The following SGCZ variants were observed in gnomAD, a reference collection of about 807,000 sequenced individuals.
SGCZ encodes the protein sarcoglycan zeta.
Under a neutral mutation model 41.3 loss-of-function variants are expected in SGCZ, and 40 were observed. The ratio of observed to expected loss-of-function variants is 0.97; its 90% CI spans 0.75 to 1.26. The LOEUF (loss-of-function observed/expected upper bound fraction) is 1.26. Ranked by LOEUF, SGCZ falls within the 50% of genes most tolerant of loss-of-function variation. The pLI is 0.00. For synonymous variants in SGCZ, 206 were observed against 137.5 expected (o/e 1.50, Z -3.49); for missense variants, 552 against 369.8 (o/e 1.49, Z -4.04).
intron 1 of SGCZ, among the ~76,000 whole-genome samples, chr8:15,227,713 C>G (rs1376385426): frequency 1.3e-5 from 2 of 152,126 alleles, no homozygotes; most frequent in African/African-American, 4.8e-5. Context: ...AATGAGATTT[C>G]AATTGTTTGG....
chr8:15,089,336 T>C (rs187760245), intron 1 of SGCZ, among the ~76,000 whole-genome samples: 3 of 152,268 alleles, frequency 2.0e-5, no homozygotes, highest in Admixed American at 2.0e-4. Flanking sequence ...GTAATGATAA[T>C]TTCAAGATTT....
intron 1 of SGCZ, among the ~76,000 whole-genome samples, chr8:14,621,099 C>T (rs1039870973): frequency 2.6e-5 from 4 of 152,140 alleles, no homozygotes; most frequent in African/African-American, 9.6e-5. Context: ...CCATGGAATA[C>T]TATGCAGCCA....
intron 2 of SGCZ, among the ~76,000 whole-genome samples, chr8:14,352,610 C>T (rs547584920): frequency 3.3e-5 from 5 of 152,206 alleles, no homozygotes; most frequent in South Asian, 4.1e-4. Flanking sequence ...AGTAGACCTA[C>T]GTGTCCTCTG....
intron 2 of SGCZ, among the ~76,000 whole-genome samples, chr8:14,415,546 T>C (rs1799471071): frequency 6.6e-6 from 1 of 151,956 alleles, no homozygotes; most frequent in South Asian, 2.1e-4. Context: ...ATGGAAATCA[T>C]ATTGTTCTAC....
At chr8:14,440,663 G>A (rs925934227) in intron 2 of SGCZ, among the ~76,000 whole-genome samples, 5 of 149,452 alleles carry the variant, frequency 3.3e-5, no homozygotes, top group African/African-American at 7.3e-5. Context: ...GTATATATGT[G>A]TCTGTATGTA....
At chr8:14,493,781 G>A (rs1222225164) in intron 2 of SGCZ, among the ~76,000 whole-genome samples, 1 of 152,056 alleles carries the variant, frequency 6.6e-6, no homozygotes, top group African/African-American at 2.4e-5. Context: ...TTTCATAAGA[G>A]TGGCTTTCAT....
chr8:14,141,432 A>G (rs1203153124), intron 5 of SGCZ, among the ~76,000 whole-genome samples: 1 of 152,220 alleles, frequency 6.6e-6, no homozygotes, highest in Non-Finnish European at 1.5e-5. Context: ...ACAAAGGACT[A>G]CTATCCAGAA....
chr8:14,966,764 G>C (rs1165319386), intron 1 of SGCZ, among the ~76,000 whole-genome samples: 1 of 151,966 alleles, frequency 6.6e-6, no homozygotes, highest in Non-Finnish European at 1.5e-5. Context: ...AAATAGTATA[G>C]AAAAGATGTG....
intron 4 of SGCZ, among the ~76,000 whole-genome samples, chr8:14,187,476 G>C (rs1240779853): frequency 6.6e-6 from 1 of 152,010 alleles, no homozygotes; most frequent in Non-Finnish European, 1.5e-5. Context: ...TTAAATGCAG[G>C]TGTGATGAAA....
intron 3 of SGCZ, among the ~76,000 whole-genome samples, chr8:14,243,570 G>A (rs1798968158): frequency 6.6e-6 from 1 of 152,152 alleles, no homozygotes; most frequent in Admixed American, 6.5e-5. Flanking sequence ...TCTTCACAAT[G>A]TGACCCAATT....
intron 1 of SGCZ, among the ~76,000 whole-genome samples, chr8:14,836,012 A>T (rs1255661653): frequency 6.6e-6 from 1 of 152,188 alleles, no homozygotes; most frequent in African/African-American, 2.4e-5. Context: ...AAAGCAGCTG[A>T]AACCATTACT....
At chr8:14,592,086 G>C (rs549622484) in intron 1 of SGCZ, among the ~76,000 whole-genome samples, 11 of 152,142 alleles carry the variant, frequency 7.2e-5, no homozygotes, top group Non-Finnish European at 1.2e-4. Context: ...CTTGAAAAAT[G>C]TCAATGCCAG....
chr8:15,227,442 T>C (rs1193428721), intron 1 of SGCZ, among the ~76,000 whole-genome samples: 30 of 152,204 alleles, frequency 2.0e-4, no homozygotes, highest in Admixed American at 2.0e-3. Context: ...CACCAACTAA[T>C]ACCACAATGA....
At chr8:14,511,795 C>T (rs1310467022) in intron 2 of SGCZ, among the ~76,000 whole-genome samples, 1 of 152,066 alleles carries the variant, frequency 6.6e-6, no homozygotes, top group Non-Finnish European at 1.5e-5. Context: ...CCCACCAACT[C>T]TTCTGGAATT....
intron 4 of SGCZ, among the ~76,000 whole-genome samples, chr8:14,180,439 T>C (rs968742329): frequency 6.6e-6 from 1 of 152,002 alleles, no homozygotes; most frequent in African/African-American, 2.4e-5. Flanking sequence ...CTAATAACTC[T>C]AGGGCCTGGT....
intron 2 of SGCZ, among the ~76,000 whole-genome samples, chr8:14,364,169 AGTT>A (rs1423022018): frequency 1.3e-5 from 2 of 152,078 alleles, no homozygotes; most frequent in Non-Finnish European, 2.9e-5. Flanking sequence ...TTTTAACACT[AGTT>A]GTTGAGATCA....
intron 3 of SGCZ, among the ~76,000 whole-genome samples, chr8:14,299,687 G>A (rs1459183934): frequency 1.3e-5 from 2 of 151,726 alleles, no homozygotes; most frequent in African/African-American, 4.8e-5. Flanking sequence ...AGAGCAATGG[G>A]ATCTCTTTAC....
At chr8:14,232,045 G>C (rs1806590740) in intron 4 of SGCZ, among the ~76,000 whole-genome samples, 1 of 151,806 alleles carries the variant, frequency 6.6e-6, no homozygotes, top group African/African-American at 2.4e-5. Context: ...AATAGACATT[G>C]ACTCAAAAAA....
chr8:14,343,195 G>A (rs961023342), intron 2 of SGCZ, among the ~76,000 whole-genome samples: 8 of 152,242 alleles, frequency 5.3e-5, no homozygotes, highest in African/African-American at 1.9e-4. Flanking sequence ...CATGGGCAGG[G>A]CCCTCATGGA....
Sources: gnomAD v4.1 joint callset for allele counts (sites outside exome capture counted in the v4.1 genomes callset) on GRCh38, gnomAD v4.1.1 for gene constraint, MANE v1.5 for transcripts, NCBI Gene and HGNC (gene_info 2026-07-23, HGNC 2026-07-21) for gene names.